Variants in MIPOL1 observed in about 807,000 individuals in gnomAD.
MIPOL1 encodes mirror-image polydactyly 1.
A neutral mutation model predicts 60.9 loss-of-function variants in MIPOL1; 57 were observed. That is an observed-to-expected ratio of 0.94 (90% confidence interval 0.76 to 1.17). The LOEUF is 1.17. Among genes scored for constraint, MIPOL1 ranks in the 50% most tolerant of loss-of-function variants. The pLI is 0.00. For synonymous variants in MIPOL1, 179 were observed against 168.8 expected (o/e 1.06, Z -0.47); for missense variants, 551 against 511.6 (o/e 1.08, Z -0.74).
intron 6 of MIPOL1, among the ~76,000 whole-genome samples, chr14:37,275,235 T>G (rs1037901373): frequency 6.6e-6 from 1 of 151,214 alleles, no homozygotes; most frequent in South Asian, 2.1e-4. Context: ...TGTAGCTGTT[T>G]AAGACTTTTT....
chr14:37,241,602 G>A (rs1436412851), intron 1 of MIPOL1, among the ~76,000 whole-genome samples: 1 of 149,128 alleles, frequency 6.7e-6, no homozygotes, highest in Admixed American at 6.7e-5. Context: ...GTGGGGAGGT[G>A]GGCGGAAACC....
intron 6 of MIPOL1, among the ~76,000 whole-genome samples, chr14:37,279,820 A>G (rs922513492): frequency 1.3e-5 from 2 of 152,122 alleles, no homozygotes; most frequent in African/African-American, 4.8e-5. Context: ...GCATTATTTT[A>G]GCTTTTTGAA....
intron 12 of MIPOL1, among the ~76,000 whole-genome samples, chr14:37,514,875 T>G (rs1304127266): frequency 6.6e-6 from 1 of 152,098 alleles, no homozygotes; most frequent in East Asian, 1.9e-4. Flanking sequence ...GCAGCTATCC[T>G]AAATAGACAC....
chr14:37,484,937 T>C (rs1464332894), intron 11 of MIPOL1, among the ~76,000 whole-genome samples: 2 of 152,184 alleles, frequency 1.3e-5, no homozygotes, highest in African/African-American at 2.4e-5. Flanking sequence ...GGTGGTTTGC[T>C]GCACCCATCA....
intron 11 of MIPOL1, among the ~76,000 whole-genome samples, chr14:37,462,576 GCT>G (rs765154067): frequency 8.5e-5 from 13 of 152,082 alleles, no homozygotes; most frequent in Non-Finnish European, 1.6e-4. Context: ...AAACTTTTAT[GCT>G]CTGTTTCCTT....
intron 9 of MIPOL1, among the ~76,000 whole-genome samples, chr14:37,342,628 C>G (rs930362701): frequency 3.3e-5 from 5 of 151,924 alleles, no homozygotes; most frequent in African/African-American, 1.2e-4. Flanking sequence ...GAACTCCTGA[C>G]CTGGTGATCC....
rs540222274 is a variant in MIPOL1 at position 37,418,189 on chromosome 14, A to T, written c.937-4666A>T. Reference sequence around the variant, plus strand: ...ATCAGACTATAACTATTAAAAACACATTTAAACCAAACATAACAAGATCTC... The same window carrying T: ...ATCAGACTATAACTATTAAAAACACTTTTAAACCAAACATAACAAGATCTC... On this transcript the variant is annotated intron_variant, in intron 10 of 12. Coordinates refer to ENST00000684589, the MANE Select transcript of MIPOL1 (RefSeq NM_001388067.1). Among the ~76,000 whole-genome samples the T allele has an allele frequency of 2.4e-4, 36 of 152,344 alleles. 1 individual carries two copies. Among genetic ancestry groups the T allele is most frequent in the South Asian group, 1.2e-3 (6 of 4,826 alleles).
chr14:37,418,540 T>A (rs1404326488), intron 10 of MIPOL1, among the ~76,000 whole-genome samples: 1 of 152,164 alleles, frequency 6.6e-6, no homozygotes, highest in Admixed American at 6.5e-5. Flanking sequence ...ATCATTTGAT[T>A]CCATTATGTC....
intron 11 of MIPOL1, among the ~76,000 whole-genome samples, chr14:37,463,312 G>A (rs533852888): frequency 1.6e-4 from 24 of 152,248 alleles, no homozygotes; most frequent in South Asian, 1.0e-3. Context: ...ATGTCCAACC[G>A]GGTCCCTCCC....
intron 11 of MIPOL1, among the ~76,000 whole-genome samples, chr14:37,492,574 G>A (rs1330224363): frequency 2.0e-5 from 3 of 152,154 alleles, no homozygotes; most frequent in South Asian, 2.1e-4. Context: ...TTTCACATAT[G>A]TAGATCACCT....
chr14:37,418,069 A>G (rs2153545785), intron 10 of MIPOL1, among the ~76,000 whole-genome samples: 1 of 152,304 alleles, frequency 6.6e-6, no homozygotes. Flanking sequence ...TTCTTTATTT[A>G]GCAGATATCA....
At chr14:37,214,398 T>C (rs1194204720) in intron 1 of MIPOL1, among the ~76,000 whole-genome samples, 1 of 152,200 alleles carries the variant, frequency 6.6e-6, no homozygotes, top group Admixed American at 6.5e-5. Flanking sequence ...ATAGTGTTGT[T>C]TTCAGATTAA....
chr14:37,272,835 G>T (rs577149648), intron 6 of MIPOL1, among the ~76,000 whole-genome samples: 1 of 151,368 alleles, frequency 6.6e-6, no homozygotes, highest in Non-Finnish European at 1.5e-5. Flanking sequence ...TGTTTAAAAA[G>T]ATCAAACCAT....
intron 10 of MIPOL1, among the ~76,000 whole-genome samples, chr14:37,410,890 C>G (rs2093670430): frequency 6.6e-6 from 1 of 151,886 alleles, no homozygotes; most frequent in Non-Finnish European, 1.5e-5. Flanking sequence ...CAAAAGTTAG[C>G]ATATTTTTTT....
intron 3 of MIPOL1, among the ~76,000 whole-genome samples, chr14:37,249,541 A>G (rs1373147129): frequency 2.0e-5 from 3 of 152,188 alleles, no homozygotes; most frequent in Non-Finnish European, 4.4e-5. Context: ...TGGGCTGCTT[A>G]TTATGAGTTT....
At chr14:37,532,313 T>G (rs1489051658) in intron 12 of MIPOL1, among the ~76,000 whole-genome samples, 1 of 152,144 alleles carries the variant, frequency 6.6e-6, no homozygotes, top group Non-Finnish European at 1.5e-5. Flanking sequence ...TCCTGTCAGT[T>G]TGAAAGAGTT....
chr14:37,385,066 G>GA (rs1331238489), intron 10 of MIPOL1, among the ~76,000 whole-genome samples: 8 of 151,788 alleles, frequency 5.3e-5, no homozygotes, highest in Non-Finnish European at 1.0e-4. Context: ...AACTTTCCAA[G>GA]AAAAAATCAG....
chr14:37,318,989 C>A (rs2088257379), intron 9 of MIPOL1, among the ~76,000 whole-genome samples: 1 of 152,126 alleles, frequency 6.6e-6, no homozygotes, highest in East Asian at 1.9e-4. Context: ...CAGGCACACA[C>A]TACCATGCTA....
rs891759172 is a variant in MIPOL1, at chr14:37,550,853, T to G, written c.*3882T>G. ...TTTTGTAATCCTTTTACTAGAAAAA[T>G]CTTTTTTGAAGAGTTTTTCTTGTGC... On this transcript the variant is annotated 3_prime_UTR_variant, in exon 13 of 13. Transcript: ENST00000684589. 1.3e-5 allele frequency: 2 copies of G among 152,596 alleles called. No homozygotes were observed. Among genetic ancestry groups the G allele is most frequent in the East Asian group, 3.9e-4 (2 of 5,184 alleles). The allele number at this position is 152,596 out of a possible 1,614,324, so 9.5% of individuals were successfully genotyped here. A position where few individuals can be genotyped will look rare whatever the true frequency, so the allele number is the denominator to read the frequency against.
Sources: gnomAD v4.1 joint callset for allele counts (sites outside exome capture counted in the v4.1 genomes callset) on GRCh38, gnomAD v4.1.1 for gene constraint, MANE v1.5 for transcripts, NCBI Gene and HGNC (gene_info 2026-07-23, HGNC 2026-07-21) for gene names.